The following HOXB3 variants were observed in gnomAD, a reference collection of about 807,000 sequenced individuals.
HOXB3 encodes homeobox protein Hox-B3.
Under a neutral mutation model 29.2 loss-of-function variants are expected in HOXB3, and 17 were observed. That is an observed-to-expected ratio of 0.58 (90% confidence interval 0.40 to 0.87). The LOEUF is 0.87. Among genes scored for constraint, HOXB3 ranks in the 40% least tolerant of loss-of-function variants. The probability of loss-of-function intolerance (pLI) is 0.00; values close to 1 mark genes in which losing one functional copy is unlikely to be tolerated. For missense variants in HOXB3, 637 were observed against 616.3 expected (o/e 1.03, Z -0.35); for synonymous variants, 317 against 285.9 (o/e 1.11, Z -1.10).
intron 1 of HOXB3, among the ~76,000 whole-genome samples, chr17:48,585,164 TTAAA>T (rs2070022667): frequency 6.6e-6 from 1 of 152,106 alleles, no homozygotes; most frequent in Non-Finnish European, 1.5e-5. Flanking sequence ...CTTTTGACTA[TTAAA>T]TAACTCCTTG....
chr17:48,579,985 G>A, intron 1 of HOXB3: 1 of 500,222 alleles, frequency 2.0e-6, no homozygotes, highest in Non-Finnish European at 4.1e-6. Context: ...CCTACTTTCC[G>A]CGCCTTCTTC....
chr17:48,573,506 C>G (rs1351074440), intron 2 of HOXB3, among the ~76,000 whole-genome samples: 1 of 152,164 alleles, frequency 6.6e-6, no homozygotes, highest in Non-Finnish European at 1.5e-5. Flanking sequence ...CTGGGGCTCG[C>G]TGTGCCTGCC....
Position 48,549,080 on chromosome 17 carries a change from T to C in HOXB3, c.*1254A>G, listed in dbSNP as rs1472760449. On this transcript the variant is annotated 3_prime_UTR_variant, in exon 5 of 5. Coordinates refer to ENST00000498678, the MANE Select transcript of HOXB3 (RefSeq NM_001384749.1). ...TTCGTAAGTACGAGTTTAACATAAATCTACAGCTCTTTTCTAGAGTACAAT... is the reference window on the plus strand; with the variant it reads ...TTCGTAAGTACGAGTTTAACATAAACCTACAGCTCTTTTCTAGAGTACAAT... The C allele has an allele frequency of 1.3e-5, 2 of 152,688 alleles. No homozygotes were observed. Among genetic ancestry groups the C allele is most frequent in the Non-Finnish European group, 2.9e-5 (2 of 68,048 alleles). The allele number at this position is 152,688 out of a possible 1,614,324, so 9.5% of individuals were successfully genotyped here.
At position 48,551,200 on chromosome 17, in the gene HOXB3, G is replaced by A; in HGVS notation, c.449-19C>T. 6 of 1,282,538 alleles carry A rather than the reference G, an allele frequency of 4.7e-6. No individual in the cohort carries two copies. The highest frequency in any genetic ancestry group is 4.9e-6 in the Non-Finnish European group (5 of 1,013,492). 79.4% of individuals were successfully genotyped at this position (1,282,538 alleles called of 1,614,324 possible). A position where few individuals can be genotyped will look rare whatever the true frequency, so the allele number is the denominator to read the frequency against. On this transcript the variant is annotated intron_variant, in intron 4 of 4. Transcript: ENST00000498678. ...CCCTCTGCTGGATCCGAGGGGGAGGGGTGGGAAGGGGAGAAAATGAAATAA... is the reference window on the plus strand; with the variant it reads ...CCCTCTGCTGGATCCGAGGGGGAGGAGTGGGAAGGGGAGAAAATGAAATAA...
chr17:48,565,133 G>A (rs1036612339), intron 2 of HOXB3, among the ~76,000 whole-genome samples: 1 of 152,146 alleles, frequency 6.6e-6, no homozygotes, highest in African/African-American at 2.4e-5. Flanking sequence ...GGGAAGAAAA[G>A]CCAAGAAAGG....
rs1361678855 is a variant in HOXB3 at position 48,552,538 on chromosome 17, A to G, written c.-64T>C. On this transcript the variant is annotated 5_prime_UTR_variant, in exon 4 of 5. It removes an upstream start codon present in the reference 5' UTR. Transcript: ENST00000498678. Reference sequence around the variant, plus strand: ...AGGCCTGATACCCTCAGGACCGGACATTGGCAACCCTGGGGGTCACGTGAC... The same window carrying G: ...AGGCCTGATACCCTCAGGACCGGACGTTGGCAACCCTGGGGGTCACGTGAC... 1.5e-6 allele frequency: 2 copies of G among 1,295,304 alleles called. No individual in the cohort carries two copies. Among genetic ancestry groups the G allele is most frequent in the African/African-American group, 3.1e-5 (2 of 65,462 alleles). 80.2% of individuals were successfully genotyped at this position (1,295,304 alleles called of 1,614,324 possible).
At chr17:48,571,262 C>CA (rs2144855380) in intron 2 of HOXB3, among the ~76,000 whole-genome samples, 1 of 152,348 alleles carries the variant, frequency 6.6e-6, no homozygotes, top group African/African-American at 2.4e-5. Context: ...GCGCTCAACT[C>CA]ACGCTGAGAA....
chr17:48,564,118 T>C (rs1255840976), intron 2 of HOXB3, among the ~76,000 whole-genome samples: 1 of 145,070 alleles, frequency 6.9e-6, no homozygotes, highest in Non-Finnish European at 1.5e-5. Context: ...GATCCCGGCC[T>C]GTCCCAGGAG....
intron 1 of HOXB3, among the ~76,000 whole-genome samples, chr17:48,584,091 T>C (rs1597859362): frequency 6.6e-6 from 1 of 152,394 alleles, no homozygotes; most frequent in Non-Finnish European, 1.5e-5. Context: ...TTATAATTAC[T>C]GAGTCTCTCT....
At chr17:48,589,026 C>G (rs543085166) in intron 1 of HOXB3, among the ~76,000 whole-genome samples, 2 of 150,258 alleles carry the variant, frequency 1.3e-5, no homozygotes, top group Non-Finnish European at 3.0e-5. Context: ...GTTAGCCCCA[C>G]GGGTGTTAAA....
Position 48,550,781 on chromosome 17 carries a change from G to C in HOXB3, c.849C>G (p.Thr283=). The C allele has an allele frequency of 6.2e-7, 1 of 1,608,750 alleles. No homozygotes were observed. Among genetic ancestry groups the C allele is most frequent in the Non-Finnish European group, 8.5e-7 (1 of 1,176,172 alleles). The change falls in exon 5 of 5, where the codon ACC becomes ACG. Residue 283 remains threonine (T), a synonymous_variant. Coordinates refer to ENST00000498678, the MANE Select transcript of HOXB3 (RefSeq NM_001384749.1). ...AGFMNALHSM[T]PSYESPSPPA... ...GTGGGGACGGGCTCTCGTAGCTGGG[G>C]GTCATGGAGTGTAAGGCGTTCATGA...
At chr17:48,562,231 T>C (rs2069222270) in intron 2 of HOXB3, among the ~76,000 whole-genome samples, 1 of 152,144 alleles carries the variant, frequency 6.6e-6, no homozygotes, top group Non-Finnish European at 1.5e-5. Context: ...CCTGGCAATT[T>C]TTAACCAGGC....
intron 2 of HOXB3, among the ~76,000 whole-genome samples, chr17:48,572,204 T>C (rs2069607490): frequency 6.6e-6 from 1 of 152,226 alleles, no homozygotes; most frequent in Admixed American, 6.5e-5. Context: ...GTACTCAGAA[T>C]AGCCTGCACT....
rs1416101248 is a variant in HOXB3, at chr17:48,550,580, C to T, written c.1050G>A (p.Pro350=). Residue 350 remains proline (P), a synonymous_variant, in exon 5 of 5, where the codon CCG becomes CCA. Coordinates refer to ENST00000498678, the MANE Select transcript of HOXB3 (RefSeq NM_001384749.1). ...CGTAGCCGCCCCCGCCCACGTACAC[C>T]GGACTGCCCTGCATGGTGGGCGTCC... ...AYGTPTMQGS[P]VYVGGGGYAD... 4 of 1,528,480 alleles carry T rather than the reference C, an allele frequency of 2.6e-6. No homozygotes were observed. Among genetic ancestry groups the T allele is most frequent in the Middle Eastern group, 1.8e-4 (1 of 5,612 alleles). The allele number at this position is 1,528,480 out of a possible 1,614,324, so 94.7% of individuals were successfully genotyped here.
chr17:48,576,816 T>C, intron 1 of HOXB3: 3 of 1,614,232 alleles, frequency 1.9e-6, no homozygotes, highest in Non-Finnish European at 8.5e-7. Context: ...GGGCAACTTG[T>C]GGTCTTTTTT....
rs767247825 is a variant in HOXB3, at chr17:48,551,081, C to CG, written c.548dup (p.Ser185ValfsTer26). The CG allele has an allele frequency of 1.3e-6, 2 of 1,512,390 alleles. No homozygotes were observed. The highest frequency in any genetic ancestry group is 1.3e-5 in the South Asian group (1 of 77,682). 93.7% of individuals were successfully genotyped at this position (1,512,390 alleles called of 1,614,324 possible). A position where few individuals can be genotyped will look rare whatever the true frequency, so the allele number is the denominator to read the frequency against. ...GCGCCCGCTTGGACGCCGCCGACCC[C>CG]GGGGGGCTCTTGTCCCCTCCCCCGC... On this transcript the variant is annotated frameshift_variant, in exon 5 of 5. Coordinates refer to ENST00000498678, the MANE Select transcript of HOXB3 (RefSeq NM_001384749.1). LOFTEE classifies it high-confidence loss of function.
chr17:48,560,852 G>A (rs2069168284), intron 2 of HOXB3, among the ~76,000 whole-genome samples: 1 of 152,142 alleles, frequency 6.6e-6, no homozygotes, highest in East Asian at 1.9e-4. Context: ...TGAGAAGGGA[G>A]GCACCTGCTA....
chr17:48,580,358 C>T (rs1296098066), intron 1 of HOXB3: 2 of 142,602 alleles, frequency 1.4e-5, no homozygotes, highest in African/African-American at 5.4e-5. Flanking sequence ...AAACCCCAAT[C>T]GGCTCCTCCG....
chr17:48,567,928 C>T (rs2069442181), intron 2 of HOXB3, among the ~76,000 whole-genome samples: 2 of 152,172 alleles, frequency 1.3e-5, no homozygotes, highest in Admixed American at 1.3e-4. Context: ...GCCCTTCACC[C>T]TCTGCTTGCC....
Sources: gnomAD v4.1 joint callset for allele counts (sites outside exome capture counted in the v4.1 genomes callset) on GRCh38, gnomAD v4.1.1 for gene constraint, MANE v1.5 for transcripts, NCBI Gene and HGNC (gene_info 2026-07-23, HGNC 2026-07-21) for gene names.